Variants in PINX1 observed in about 807,000 individuals in gnomAD.
PINX1 encodes the protein PIN2 (TERF1) interacting telomerase inhibitor 1.
A neutral mutation model predicts 25.4 loss-of-function variants in PINX1; 34 were observed. That is an observed-to-expected ratio of 1.34 (90% CI 1.02 to 1.78). The LOEUF (loss-of-function observed/expected upper bound fraction) is 1.78. Ranked by LOEUF, PINX1 falls within the 40% of genes most tolerant of loss-of-function variation. The pLI is 0.00. For missense variants in PINX1, 592 were observed against 404.9 expected (o/e 1.46, Z -3.97); for synonymous variants, 197 against 147.7 (o/e 1.33, Z -2.42).
At chr8:10,780,346 A>G (rs1196752994) in intron 6 of PINX1, among the ~76,000 whole-genome samples, 2 of 152,202 alleles carry the variant, frequency 1.3e-5, no homozygotes, top group Non-Finnish European at 2.9e-5. Context: ...GACACTAACT[A>G]TGGGTTTTTC....
intron 6 of PINX1, among the ~76,000 whole-genome samples, chr8:10,818,982 G>C (rs1311180073): frequency 1.3e-5 from 2 of 152,226 alleles, no homozygotes; most frequent in Non-Finnish European, 2.9e-5. Flanking sequence ...CAGCCTGTCT[G>C]ACCATGGCTC....
Position 10,765,467 on chromosome 8 carries a change from C to T in PINX1, c.921G>A (p.Glu307=), listed in dbSNP as rs1486740084. 1.9e-6 allele frequency: 3 copies of T among 1,613,264 alleles called. No individual in the cohort carries two copies. The highest frequency in any genetic ancestry group is 2.5e-6 in the Non-Finnish European group (3 of 1,179,868). Residue 307 remains glutamate (E), a synonymous_variant, in exon 7 of 7, where the codon GAG becomes GAA. Coordinates refer to ENST00000314787, the MANE Select transcript of PINX1 (RefSeq NM_017884.6). ...CTTCTAGTGTAGCGTCCTCTGCTATCTCTACTGGTTTTTGCAGCTTTTTCT... is the reference window on the plus strand; with the variant it reads ...CTTCTAGTGTAGCGTCCTCTGCTATTTCTACTGGTTTTTGCAGCTTTTTCT... ...RGKKKLQKPV[E]IAEDATLEET... is the part of the protein sequence containing the mutation.
At chr8:10,825,834 A>C (rs1798021399) in intron 5 of PINX1, among the ~76,000 whole-genome samples, 1 of 152,216 alleles carries the variant, frequency 6.6e-6, no homozygotes, top group South Asian at 2.1e-4. Context: ...AAGAAATTAA[A>C]ATTATTTTCT....
chr8:10,805,798 A>G (rs78487111), intron 6 of PINX1, among the ~76,000 whole-genome samples: 3 of 101,186 alleles, frequency 3.0e-5, no homozygotes, highest in Admixed American at 1.2e-4. Flanking sequence ...GCACAGGAAG[A>G]AGCCACACTA....
At chr8:10,834,827 AC>A in intron 1 of PINX1, 52 bp from the exon 2 acceptor site, 1 of 1,285,272 alleles carries the variant, frequency 7.8e-7, no homozygotes, top group Non-Finnish European at 1.1e-6. Context: ...CCCGGAAAAT[AC>A]CACACAAACA....
At chr8:10,804,982 C>A (rs572835505) in intron 6 of PINX1, among the ~76,000 whole-genome samples, 1 of 152,040 alleles carries the variant, frequency 6.6e-6, no homozygotes, top group Admixed American at 6.5e-5. Flanking sequence ...GGAGTTCACA[C>A]CTCGGAATGA....
intron 6 of PINX1, among the ~76,000 whole-genome samples, chr8:10,788,906 A>G (rs1201740549): frequency 6.6e-6 from 1 of 150,528 alleles, no homozygotes; most frequent in Non-Finnish European, 1.5e-5. Flanking sequence ...AAGAGTCACA[A>G]TTCCTCTCCC....
intron 6 of PINX1, among the ~76,000 whole-genome samples, chr8:10,780,389 T>C (rs1801548159): frequency 6.6e-6 from 1 of 152,202 alleles, no homozygotes; most frequent in Non-Finnish European, 1.5e-5. Flanking sequence ...AGAAATTTTC[T>C]TTCTGTACCT....
At chr8:10,774,755 CTAA>C (rs1268184956) in intron 6 of PINX1, among the ~76,000 whole-genome samples, 1 of 152,092 alleles carries the variant, frequency 6.6e-6, no homozygotes, top group Non-Finnish European at 1.5e-5. Flanking sequence ...CTACATAAGG[CTAA>C]TATTTTCACA....
intron 6 of PINX1, among the ~76,000 whole-genome samples, chr8:10,807,141 T>A (rs1053911649): frequency 6.6e-6 from 1 of 152,110 alleles, no homozygotes; most frequent in African/African-American, 2.4e-5. Flanking sequence ...TCTGCGAATG[T>A]GTGAAAAACA....
chr8:10,807,336 C>CA (rs1223913384), intron 6 of PINX1, among the ~76,000 whole-genome samples: 13 of 95,382 alleles, frequency 1.4e-4, no homozygotes, highest in Admixed American at 9.8e-4. Flanking sequence ...CACCCCCCCC[C>CA]CCACCAAAGT....
At chr8:10,824,608 G>A (rs920887474) in intron 5 of PINX1, among the ~76,000 whole-genome samples, 2 of 152,224 alleles carry the variant, frequency 1.3e-5, no homozygotes, top group African/African-American at 2.4e-5. Flanking sequence ...ATAGAAAGCA[G>A]ATGCTCCCGG....
intron 6 of PINX1, among the ~76,000 whole-genome samples, chr8:10,779,554 T>C (rs1376605005): frequency 6.6e-6 from 1 of 152,196 alleles, no homozygotes; most frequent in African/African-American, 2.4e-5. Context: ...CTCTCTCTCT[T>C]TTTTTAAAAT....
chr8:10,770,426 T>A lies in PINX1; in HGVS notation c.472-4510A>T, dbSNP rs1049768628. ...GGGTATCAATTACAATACACCACAG[T>A]CCTCTCCGGTCCCTGAAAGATGCCT... On this transcript the variant is annotated intron_variant, in intron 6 of 6. Coordinates refer to ENST00000314787, the MANE Select transcript of PINX1 (RefSeq NM_017884.6). Among the ~76,000 whole-genome samples the A allele has an allele frequency of 2.6e-5, 4 of 152,218 alleles. No homozygotes were observed. The East Asian group carries it at 5.8e-4, about 22-fold the overall frequency.
chr8:10,787,911 C>G, intron 6 of PINX1: 1 of 410,796 alleles, frequency 2.4e-6, no homozygotes, highest in Admixed American at 2.9e-5. Flanking sequence ...AATATACAGA[C>G]CTTGTTAGAT....
At chr8:10,772,390 C>A (rs1441388444) in intron 6 of PINX1, among the ~76,000 whole-genome samples, 1 of 152,254 alleles carries the variant, frequency 6.6e-6, no homozygotes, top group Admixed American at 6.5e-5. Flanking sequence ...TGCCCTGAGC[C>A]ACTATGGCGG....
chr8:10,773,910 A>G (rs1801307625), intron 6 of PINX1, among the ~76,000 whole-genome samples: 1 of 152,238 alleles, frequency 6.6e-6, no homozygotes, highest in South Asian at 2.1e-4. Flanking sequence ...CACACTGGCC[A>G]TGGAAGATAA....
chr8:10,822,552 T>C (rs1364394376), intron 5 of PINX1, among the ~76,000 whole-genome samples: 2 of 152,202 alleles, frequency 1.3e-5, no homozygotes, highest in African/African-American at 2.4e-5. Context: ...TCTATTTAGG[T>C]TTGCTTTAGC....
intron 6 of PINX1, among the ~76,000 whole-genome samples, chr8:10,804,266 T>C (rs1057287310): frequency 2.0e-5 from 3 of 152,166 alleles, no homozygotes; most frequent in Non-Finnish European, 2.9e-5. Context: ...GTGACTCTCA[T>C]CACCAGAGCC....
Sources: allele counts gnomAD v4.1 joint callset (sites outside exome capture counted in the v4.1 genomes callset), GRCh38; gene constraint gnomAD v4.1.1; transcripts MANE v1.5; gene names NCBI Gene and HGNC (gene_info 2026-07-23, HGNC 2026-07-21).